Variants in NRXN3 observed in about 807,000 individuals in gnomAD.
NRXN3 encodes the protein neurexin 3.
In NRXN3, 32 loss-of-function variants were observed where a neutral mutation model predicts 137.6. The ratio of observed to expected loss-of-function variants is 0.23; its 90% confidence interval spans 0.18 to 0.31. The LOEUF (loss-of-function observed/expected upper bound fraction) is 0.31. Ranked by LOEUF, NRXN3 falls within the 10% of genes least tolerant of loss-of-function variation. The pLI is 1.00. For missense variants in NRXN3, 1,574 were observed against 2,062.5 expected (o/e 0.76, Z 4.59); for synonymous variants, 798 against 784.5 (o/e 1.02, Z -0.29).
chr14:78,398,009 G>A (rs952856997), intron 4 of NRXN3, among the ~76,000 whole-genome samples: 10 of 150,516 alleles, frequency 6.6e-5, no homozygotes, highest in Admixed American at 3.3e-4. Flanking sequence ...GAGGTCAGGA[G>A]TTCGAGACAA....
chr14:79,617,791 G>A lies in NRXN3; in HGVS notation c.3445-45987G>A, dbSNP rs144712571. Among the ~76,000 whole-genome samples the A allele has an allele frequency of 7.9e-5, 12 of 152,020 alleles. 1 individual carries two copies. Among genetic ancestry groups the A allele is most frequent in the African/African-American group, 2.9e-4 (12 of 41,430 alleles). On this transcript the variant is annotated intron_variant, in intron 16 of 20. Transcript: ENST00000335750. ...GTCAATCTCCTGTTTACTGAGTGCAGGTTAGGAAATAACATCAACTAGGTT... is the reference window on the plus strand; with the variant it reads ...GTCAATCTCCTGTTTACTGAGTGCAAGTTAGGAAATAACATCAACTAGGTT...
intron 6 of NRXN3, among the ~76,000 whole-genome samples, chr14:78,667,713 C>G (rs2097899525): frequency 6.6e-6 from 1 of 152,108 alleles, no homozygotes; most frequent in Non-Finnish European, 1.5e-5. Flanking sequence ...AATATGTGTG[C>G]ATATGTGAAA....
intron 20 of NRXN3, among the ~76,000 whole-genome samples, chr14:79,827,054 TTTA>T (rs2099305697): frequency 6.6e-6 from 1 of 152,168 alleles, no homozygotes; most frequent in African/African-American, 2.4e-5. Flanking sequence ...AGATTGAGCA[TTTA>T]CTGTGTGCTA....
chr14:79,012,781 G>A (rs1164725366), intron 15 of NRXN3, among the ~76,000 whole-genome samples: 4 of 152,084 alleles, frequency 2.6e-5, no homozygotes, highest in South Asian at 2.1e-4. Context: ...CCATGCGACC[G>A]AGGAAGTGAT....
At chr14:78,956,496 A>G (rs777204380) in intron 10 of NRXN3, among the ~76,000 whole-genome samples, 55 of 152,154 alleles carry the variant, frequency 3.6e-4, no homozygotes, top group Middle Eastern at 3.4e-3. Context: ...TTATTCCTCT[A>G]TTTAGTGGCA....
intron 19 of NRXN3, among the ~76,000 whole-genome samples, chr14:79,742,947 A>C (rs2098967668): frequency 6.6e-6 from 1 of 152,170 alleles, no homozygotes; most frequent in South Asian, 2.1e-4. Context: ...AAGATAAACA[A>C]TATTTTGTTC....
chr14:78,261,890 C>T (rs574526608), intron 2 of NRXN3, among the ~76,000 whole-genome samples: 1 of 152,318 alleles, frequency 6.6e-6, no homozygotes, highest in Admixed American at 6.5e-5. Flanking sequence ...CATCAATTGC[C>T]AAGCACAATC....
At position 78,918,299 on chromosome 14, in the gene NRXN3, AAAAAAAAAG is replaced by A. The variant is rs1342738158; in HGVS notation, c.2276-38941_2276-38933del. ...AAACTCCATCTCAAAAAAAAAAAAA[AAAAAAAAAG>A]AGAGAGAGAGAGAAAAGAAATATCT... On this transcript the variant is annotated intron_variant, in intron 10 of 20. Transcript: ENST00000335750. 4.9e-3 allele frequency among the ~76,000 whole-genome samples: 718 copies of A among 145,416 alleles called. 5 individuals are homozygous for A. Among genetic ancestry groups the A allele is most frequent in the African/African-American group, 0.019 (663 of 35,830 alleles).
chr14:79,249,068 G>A (rs919618212), intron 15 of NRXN3: 12 of 152,224 alleles, frequency 7.9e-5, no homozygotes, highest in Admixed American at 1.3e-4. Flanking sequence ...GTTGTCTCTC[G>A]AGGTGATCTC....
chr14:78,829,367 A>C (rs2098975621), intron 10 of NRXN3, among the ~76,000 whole-genome samples: 1 of 152,198 alleles, frequency 6.6e-6, no homozygotes. Context: ...GGGACAGTTA[A>C]ATCACACTGT....
chr14:78,519,333 C>T lies in NRXN3; in HGVS notation c.758-125787C>T, dbSNP rs755268138. 4.6e-5 allele frequency among the ~76,000 whole-genome samples: 7 copies of T among 152,098 alleles called. 1 individual carries two copies. The highest frequency in any genetic ancestry group is 1.0e-4 in the Non-Finnish European group (7 of 67,994). On this transcript the variant is annotated intron_variant, in intron 4 of 20. Coordinates refer to ENST00000335750, the MANE Select transcript of NRXN3 (RefSeq NM_001330195.2). ...AGTATGTACGTAATGATCAAATCCCCCACATTTACCAACCTGCTCCAGTCA... is the reference window on the plus strand; with the variant it reads ...AGTATGTACGTAATGATCAAATCCCTCACATTTACCAACCTGCTCCAGTCA...
intron 15 of NRXN3, among the ~76,000 whole-genome samples, chr14:79,392,754 G>T (rs1030953245): frequency 1.3e-5 from 2 of 152,044 alleles, no homozygotes; most frequent in Admixed American, 1.3e-4. Flanking sequence ...GGCAGATCAT[G>T]AGGTCAGGAG....
chr14:78,948,798 C>A (rs2099377742), intron 10 of NRXN3, among the ~76,000 whole-genome samples: 2 of 152,242 alleles, frequency 1.3e-5, no homozygotes, highest in Admixed American at 6.5e-5. Flanking sequence ...CCTCCATGCC[C>A]TTTACCCAGC....
At chr14:78,534,775 C>T (rs940707201) in intron 4 of NRXN3, among the ~76,000 whole-genome samples, 4 of 152,124 alleles carry the variant, frequency 2.6e-5, no homozygotes, top group African/African-American at 9.7e-5. Flanking sequence ...TTTGGTATTC[C>T]CCTAGGACCC....
At chr14:78,615,444 CAAAA>C in intron 4 of NRXN3, among the ~76,000 whole-genome samples, 1 of 120,906 alleles carries the variant, frequency 8.3e-6, no homozygotes, top group African/African-American at 2.9e-5. Context: ...ACTGAAAATA[CAAAA>C]AAAAAAAAAA....
chr14:79,720,025 C>T (rs972320111), intron 19 of NRXN3, among the ~76,000 whole-genome samples: 4 of 151,920 alleles, frequency 2.6e-5, no homozygotes, highest in Non-Finnish European at 4.4e-5. Context: ...TATAACATCC[C>T]TGGGGAGTGT....
intron 3 of NRXN3, among the ~76,000 whole-genome samples, chr14:78,296,845 A>G (rs1244094161): frequency 1.3e-5 from 2 of 152,008 alleles, no homozygotes; most frequent in African/African-American, 4.8e-5. Context: ...TTAATCCCCT[A>G]TATCCCTGAA....
At chr14:79,439,030 C>CT (rs1354493844) in intron 15 of NRXN3, among the ~76,000 whole-genome samples, 9 of 152,264 alleles carry the variant, frequency 5.9e-5, no homozygotes, top group African/African-American at 2.2e-4. Context: ...ACATTTTCCA[C>CT]TTTCTTTCAT....
At chr14:78,997,574 G>T (rs2099532602) in intron 15 of NRXN3, among the ~76,000 whole-genome samples, 1 of 152,114 alleles carries the variant, frequency 6.6e-6, no homozygotes, top group Non-Finnish European at 1.5e-5. Flanking sequence ...ACTTTGTCTT[G>T]TAAAATAGAA....
Sources: gnomAD v4.1 joint callset for allele counts (sites outside exome capture counted in the v4.1 genomes callset) on GRCh38, gnomAD v4.1.1 for gene constraint, MANE v1.5 for transcripts, NCBI Gene and HGNC (gene_info 2026-07-23, HGNC 2026-07-21) for gene names.